Variants in TMPRSS3 observed in about 807,000 individuals in gnomAD.
TMPRSS3 encodes transmembrane protease serine 3.
Under a neutral mutation model 59.6 loss-of-function variants are expected in TMPRSS3, and 55 were observed. That is an observed-to-expected ratio of 0.92 (90% CI 0.74 to 1.16). The LOEUF is 1.16. Ranked by LOEUF, TMPRSS3 falls within the 50% of genes most tolerant of loss-of-function variation. TMPRSS3 has a pLI of 0.00. For missense variants in TMPRSS3, 596 were observed against 579.4 expected, an observed-to-expected ratio of 1.03 and a Z score of -0.29; for synonymous variants, 257 against 237.7, an observed-to-expected ratio of 1.08 and a Z score of -0.75.
Position 42,372,751 on chromosome 21 carries a change from C to T in TMPRSS3, c.*11G>A. 6.2e-7 allele frequency: 1 copy of T among 1,614,042 alleles called. No homozygotes were observed. On this transcript the variant is annotated 3_prime_UTR_variant, in exon 13 of 13. Transcript: ENST00000644384. ...CTCAGGAACTCAGGTGGCTACTTGT[C>T]CCCTTCCTCTTCAGGTTTTTAGGTC... is the stretch of plus-strand genomic sequence containing the variant.
chr21:42,376,487 TC>T, intron 11 of TMPRSS3, 53 bp downstream of exon 11: 1 of 1,609,182 alleles, frequency 6.2e-7, no homozygotes, highest in Non-Finnish European at 8.5e-7. Context: ...CAACGACCTG[TC>T]CCAAGGGCTG....
chr21:42,377,493 G>A (rs553830749), intron 10 of TMPRSS3, among the ~76,000 whole-genome samples: 1 of 152,338 alleles, frequency 6.6e-6, no homozygotes, highest in Non-Finnish European at 1.5e-5. Context: ...CTGAGACTGA[G>A]TTTGGACCTG....
At chr21:42,391,008 T>C (rs1408564312) in intron 2 of TMPRSS3, among the ~76,000 whole-genome samples, 1 of 152,144 alleles carries the variant, frequency 6.6e-6, no homozygotes, top group Non-Finnish European at 1.5e-5. Context: ...AATAAATTCC[T>C]GTTGTTTTAA....
intron 10 of TMPRSS3, among the ~76,000 whole-genome samples, chr21:42,378,600 G>A (rs1424346313): frequency 1.3e-5 from 2 of 152,232 alleles, no homozygotes; most frequent in Non-Finnish European, 2.9e-5. Context: ...GCCCAGGAAT[G>A]CCAGTGCAGC....
At position 42,388,580 on chromosome 21, in the gene TMPRSS3, C is replaced by T. The variant is rs546992719; in HGVS notation, c.323-54G>A. The T allele has an allele frequency of 6.2e-7, 1 of 1,613,532 alleles. No homozygotes were observed. Among genetic ancestry groups the T allele is most frequent in the South Asian group, 1.1e-5 (1 of 91,034 alleles). On this transcript the variant is annotated intron_variant, in intron 4 of 12. Transcript: ENST00000644384. This position sits in a 1 kb window ranked among gnomAD's most constrained non-coding sequence, Gnocchi z 5.1. ...TTAGTGGCCAGTGGAACCCTGAGACCATAGGCAGGGGTTTCTCCACAGCCA... is the reference window on the plus strand; with the variant it reads ...TTAGTGGCCAGTGGAACCCTGAGACTATAGGCAGGGGTTTCTCCACAGCCA...
At chr21:42,383,859 C>A in intron 7 of TMPRSS3, 111 bp downstream of exon 7, 1 of 1,192,462 alleles carries the variant, frequency 8.4e-7, no homozygotes, top group East Asian at 2.4e-5. Context: ...CGCCTGGCAC[C>A]CAGGAGGAAG....
chr21:42,390,008 A>G lies in TMPRSS3; in HGVS notation c.124T>C (p.Ser42Pro), dbSNP rs758485931. Residue 42 changes from serine to proline, a missense_variant, in exon 3 of 13, where the codon TCA (serine) becomes CCA (proline). Coordinates refer to ENST00000644384, the MANE Select transcript of TMPRSS3 (RefSeq NM_001256317.3). ...GGAAAAAACTTCAATGGCAGCAGTG[A>G]CAGGATCTGTGCAGCAACAGCATCT... is the stretch of plus-strand genomic sequence containing the variant. The part of the protein sequence containing the change: ...DADAVAAQIL[S>P]LLPLKFFPII... 3.1e-6 allele frequency: 5 copies of G among 1,614,208 alleles called. No individual in the cohort carries two copies. In the South Asian group the frequency reaches 5.5e-5, roughly 18 times the overall value.
chr21:42,391,707 T>C (rs1318196458), intron 2 of TMPRSS3, among the ~76,000 whole-genome samples: 2 of 152,220 alleles, frequency 1.3e-5, no homozygotes, highest in Non-Finnish European at 2.9e-5. Flanking sequence ...AGGATATTTG[T>C]GCCCCTTGCT....
chr21:42,388,100 G>A lies in TMPRSS3; in HGVS notation c.446+303C>T, dbSNP rs944248636. Among the ~76,000 whole-genome samples the A allele has an allele frequency of 2.0e-5, 3 of 152,162 alleles. No homozygotes were observed. Among genetic ancestry groups the A allele is most frequent in the Non-Finnish European group, 2.9e-5 (2 of 68,010 alleles). On this transcript the variant is annotated intron_variant, in intron 5 of 12. Coordinates refer to ENST00000644384, the MANE Select transcript of TMPRSS3 (RefSeq NM_001256317.3). This position sits in a 1 kb window ranked among gnomAD's most constrained non-coding sequence, Gnocchi z 5.1. ...AGCTGAGGAGCTGGAGGGTTTTTTG[G>A]TTTTGTTTTTGTTTTCTACTTTGAA...
In TMPRSS3 at chr21:42,372,757, C is replaced by T. The variant is rs1167448711; in HGVS notation, c.*5G>A. On this transcript the variant is annotated 3_prime_UTR_variant, in exon 13 of 13. Coordinates refer to ENST00000644384, the MANE Select transcript of TMPRSS3 (RefSeq NM_001256317.3). ...AACTCAGGTGGCTACTTGTCCCCTT[C>T]CTCTTCAGGTTTTTAGGTCTCTCTA... 2.5e-6 allele frequency: 4 copies of T among 1,613,934 alleles called. No homozygotes were observed. The African/African-American group carries it at 4.0e-5, about 16-fold the overall frequency.
chr21:42,383,903 A>T lies in TMPRSS3; in HGVS notation c.616+67T>A, dbSNP rs769019666. ...AGCCCCATGGGGGGAGAGGACTCTG[A>T]GGGCAAGGAGATAGGACTTAGCATG... On this transcript the variant is annotated intron_variant, in intron 7 of 12. Transcript: ENST00000644384. 277 of 1,554,082 alleles carry T rather than the reference A, an allele frequency of 1.8e-4. 1 individual carries two copies. Among genetic ancestry groups the T allele is most frequent in the Non-Finnish European group, 2.3e-4 (260 of 1,126,604 alleles).
intron 12 of TMPRSS3, among the ~76,000 whole-genome samples, chr21:42,374,578 A>G (rs952043876): frequency 6.6e-6 from 1 of 152,112 alleles, no homozygotes; most frequent in East Asian, 1.9e-4. Flanking sequence ...GAGGCTGGGG[A>G]GAAAAGTGGA....
In TMPRSS3 at chr21:42,375,857, C is replaced by G; in HGVS notation, c.1203G>C (p.Gly401=). The change falls in exon 12 of 13, where the codon GGG becomes GGC. Residue 401 remains glycine (G), a synonymous_variant. Transcript: ENST00000644384. ...GGVDSCQGDS[G]GPLVCQERRL... ...TCCTCTCTTGACACACCAGGGGCCC[C>G]CCGCTGTCCCCCTGGGTGACAGGAA... is the stretch of plus-strand genomic sequence containing the variant. The G allele has an allele frequency of 6.2e-7, 1 of 1,613,752 alleles. No individual in the cohort carries two copies.
rs1461396390 is a variant in TMPRSS3 at position 42,388,655 on chromosome 21, C to T, written c.323-129G>A. On this transcript the variant is annotated intron_variant, in intron 4 of 12. Transcript: ENST00000644384. This position sits in a 1 kb window ranked among gnomAD's most constrained non-coding sequence, Gnocchi z 5.1. ...CTGACCCACTTCTTGTCCACGGCAG[C>T]CTCCCCATCACAGAGCAGTGACTCT... 2.2e-6 allele frequency: 3 copies of T among 1,337,220 alleles called. No homozygotes were observed. The African/African-American group carries it at 4.3e-5, about 19-fold the overall frequency. The allele number at this position is 1,337,220 out of a possible 1,614,324, so 82.8% of individuals were successfully genotyped here.
At chr21:42,384,562 A>T (rs984844144) in intron 6 of TMPRSS3, among the ~76,000 whole-genome samples, 2 of 152,186 alleles carry the variant, frequency 1.3e-5, no homozygotes, top group African/African-American at 2.4e-5. Flanking sequence ...AGGGAAAGGG[A>T]TCCCAAAATC....
intron 6 of TMPRSS3, 78 bp from the exon 7 acceptor site, chr21:42,384,091 G>C: frequency 7.1e-7 from 1 of 1,406,422 alleles, no homozygotes; most frequent in Non-Finnish European, 1.0e-6. Flanking sequence ...CTCAATCTTA[G>C]GGTAACAGAA....
chr21:42,387,466 T>C (rs1240195662), intron 5 of TMPRSS3, among the ~76,000 whole-genome samples: 1 of 152,106 alleles, frequency 6.6e-6, no homozygotes, highest in Non-Finnish European at 1.5e-5. Context: ...TGATTTTTGC[T>C]CTTCTCATTG....
intron 10 of TMPRSS3, among the ~76,000 whole-genome samples, chr21:42,377,345 G>T (rs1398238456): frequency 6.6e-6 from 1 of 152,222 alleles, no homozygotes; most frequent in Non-Finnish European, 1.5e-5. Context: ...CGAAGATGCG[G>T]CATTGCTGCC....
At chr21:42,383,840 C>A in intron 7 of TMPRSS3, 130 bp downstream of exon 7, 2 of 963,214 alleles carry the variant, frequency 2.1e-6, no homozygotes, top group Non-Finnish European at 3.3e-6. Flanking sequence ...TAGGGGTACA[C>A]AGAGTTCCCG....
Sources: gnomAD v4.1 joint callset for allele counts (sites outside exome capture counted in the v4.1 genomes callset) on GRCh38, gnomAD v4.1.1 for gene constraint, Gnocchi (gnomAD v3.1) non-coding constraint, MANE v1.5 for transcripts, NCBI Gene and HGNC (gene_info 2026-07-23, HGNC 2026-07-21) for gene names.